Variants in CSMD1 observed in about 807,000 individuals in gnomAD.
The protein encoded by CSMD1 is CUB and Sushi multiple domains 1.
A neutral mutation model predicts 417.5 loss-of-function variants in CSMD1; 213 were observed. That is an observed-to-expected ratio of 0.51 (90% CI 0.46 to 0.57). The LOEUF is 0.57. CSMD1 is among the 20% of genes least tolerant of loss of function. The pLI is 0.00. For synonymous variants in CSMD1, 2,862 were observed against 1,736.8 expected (o/e 1.65, Z -16.11); for missense variants, 6,923 against 4,529.7 (o/e 1.53, Z -15.17).
intron 1 of CSMD1, among the ~76,000 whole-genome samples, chr8:4,810,572 G>T (rs1048634453): frequency 2.0e-5 from 3 of 152,176 alleles, no homozygotes; most frequent in East Asian, 1.9e-4. Flanking sequence ...TATGTGGGGG[G>T]TGGTGGCTGT....
chr8:2,999,886 T>C, intron 53 of CSMD1, 72 bp downstream of exon 53: 1 of 1,373,494 alleles, frequency 7.3e-7, no homozygotes, highest in South Asian at 1.4e-5. Flanking sequence ...AGGTGTATAT[T>C]GTGACCTAAT....
intron 7 of CSMD1, among the ~76,000 whole-genome samples, chr8:3,671,836 G>C (rs191845945): frequency 6.6e-6 from 1 of 152,056 alleles, no homozygotes; most frequent in Admixed American, 6.6e-5. Context: ...GCAATGACTT[G>C]AAAGCAGGCC....
rs760876216 is a variant in CSMD1 at position 4,119,256 on chromosome 8, AT to A, written c.416-87158del. Among the ~76,000 whole-genome samples, 4 of 152,098 alleles carry A rather than the reference AT, an allele frequency of 2.6e-5. No individual in the cohort carries two copies. In the South Asian group the frequency reaches 8.3e-4, roughly 32 times the overall value. ...CATGTGTCCTAGAACTTAAAGTAAA[AT>A]TAAAAAAAAAATAGAAACAAATGGA... On this transcript the variant is annotated intron_variant, in intron 3 of 69. Coordinates refer to ENST00000635120, the MANE Select transcript of CSMD1 (RefSeq NM_033225.6).
chr8:3,538,783 C>A (rs976884132), intron 10 of CSMD1, among the ~76,000 whole-genome samples: 2 of 152,210 alleles, frequency 1.3e-5, no homozygotes, highest in Non-Finnish European at 2.9e-5. Flanking sequence ...CGGGAAGCCA[C>A]ACTTCTCCAC....
intron 3 of CSMD1, among the ~76,000 whole-genome samples, chr8:4,168,184 C>T (rs550657092): frequency 5.3e-5 from 8 of 151,458 alleles, no homozygotes; most frequent in African/African-American, 1.9e-4. Flanking sequence ...CACATACACA[C>T]ACACGTATGT....
chr8:4,370,085 C>T (rs1009685992), intron 3 of CSMD1, among the ~76,000 whole-genome samples: 1 of 151,674 alleles, frequency 6.6e-6, no homozygotes, highest in Non-Finnish European at 1.5e-5. Context: ...GGTAGTCATT[C>T]TTTCATTTCC....
chr8:3,405,644 C>G (rs752091206), intron 15 of CSMD1, among the ~76,000 whole-genome samples: 26 of 152,054 alleles, frequency 1.7e-4, no homozygotes, highest in Non-Finnish European at 3.1e-4. Context: ...TGATTGTGTC[C>G]TTTTAACAAG....
At chr8:4,621,622 C>T (rs1801784884) in intron 2 of CSMD1, among the ~76,000 whole-genome samples, 1 of 151,984 alleles carries the variant, frequency 6.6e-6, no homozygotes, top group Non-Finnish European at 1.5e-5. Flanking sequence ...CTAGAAATCA[C>T]ATCAAAATTA....
chr8:4,808,589 G>C (rs1798718809), intron 1 of CSMD1, among the ~76,000 whole-genome samples: 2 of 152,246 alleles, frequency 1.3e-5, no homozygotes, highest in East Asian at 3.9e-4. Context: ...TAATGGGTGT[G>C]ATACTAATGG....
chr8:4,360,265 C>A (rs1355861248), intron 3 of CSMD1, among the ~76,000 whole-genome samples: 1 of 152,154 alleles, frequency 6.6e-6, no homozygotes, highest in Non-Finnish European at 1.5e-5. Flanking sequence ...ACATCTACCT[C>A]CCTGAATTTG....
intron 1 of CSMD1, among the ~76,000 whole-genome samples, chr8:4,733,199 A>C (rs377489800): frequency 6.6e-6 from 1 of 152,218 alleles, no homozygotes; most frequent in Admixed American, 6.5e-5. Flanking sequence ...CATGTTGAAC[A>C]TTACATTCCA....
intron 33 of CSMD1, among the ~76,000 whole-genome samples, chr8:3,196,016 T>A (rs1433995833): frequency 6.6e-6 from 1 of 152,076 alleles, no homozygotes; most frequent in African/African-American, 2.4e-5. Context: ...CAGGATGAGG[T>A]AGGAGGTCGG....
At chr8:4,470,649 G>C (rs1310508048) in intron 2 of CSMD1, among the ~76,000 whole-genome samples, 1 of 152,160 alleles carries the variant, frequency 6.6e-6, no homozygotes, top group African/African-American at 2.4e-5. Flanking sequence ...TTTCAACAGT[G>C]AGATTTCTAA....
At chr8:3,960,824 A>G (rs1320884921) in intron 5 of CSMD1, among the ~76,000 whole-genome samples, 1 of 152,002 alleles carries the variant, frequency 6.6e-6, no homozygotes, top group Non-Finnish European at 1.5e-5. Context: ...CTGAATTAAA[A>G]TTACCTTGCA....
chr8:3,718,134 G>C (rs967196510), intron 6 of CSMD1, among the ~76,000 whole-genome samples: 1 of 152,054 alleles, frequency 6.6e-6, no homozygotes, highest in Non-Finnish European at 1.5e-5. Context: ...ATCATTCTTT[G>C]GGATAAATCT....
intron 10 of CSMD1, 78 bp from the exon 11 acceptor site, chr8:3,493,804 G>C (rs754024171): frequency 1.8e-5 from 22 of 1,212,824 alleles, no homozygotes; most frequent in South Asian, 1.1e-4. Flanking sequence ...CAAATATCTA[G>C]TTATACTGTT....
chr8:4,576,545 C>T (rs935723500), intron 2 of CSMD1, among the ~76,000 whole-genome samples: 2 of 152,204 alleles, frequency 1.3e-5, no homozygotes, highest in African/African-American at 2.4e-5. Flanking sequence ...GACTGTCTCT[C>T]ACCTTTTTTG....
intron 1 of CSMD1, among the ~76,000 whole-genome samples, chr8:4,985,413 G>T (rs1811126413): frequency 6.6e-6 from 1 of 152,192 alleles, no homozygotes; most frequent in South Asian, 2.1e-4. Flanking sequence ...AATAGGAAGG[G>T]CCCATGCGTT....
chr8:4,915,313 G>C (rs1303358225), intron 1 of CSMD1, among the ~76,000 whole-genome samples: 1 of 152,028 alleles, frequency 6.6e-6, no homozygotes, highest in South Asian at 2.1e-4. Flanking sequence ...TTTCCCGTGT[G>C]GATTTATTGC....
Sources: gnomAD v4.1 joint callset for allele counts (sites outside exome capture counted in the v4.1 genomes callset) on GRCh38, gnomAD v4.1.1 for gene constraint, MANE v1.5 for transcripts, NCBI Gene and HGNC (gene_info 2026-07-23, HGNC 2026-07-21) for gene names.